GALNT16: variants seen among roughly 807,000 people sequenced by gnomAD.
GALNT16 encodes the protein polypeptide N-acetylgalactosaminyltransferase 16.
Under a neutral mutation model 76.1 loss-of-function variants are expected in GALNT16, and 40 were observed. The ratio of observed to expected loss-of-function variants is 0.53; its 90% confidence interval spans 0.41 to 0.68. The LOEUF (loss-of-function observed/expected upper bound fraction) is 0.68. Among genes scored for constraint, GALNT16 ranks in the 30% least tolerant of loss-of-function variants. The probability of loss-of-function intolerance (pLI) is 0.00; values close to 1 mark genes in which losing one functional copy is unlikely to be tolerated. For missense variants in GALNT16, 621 were observed against 731.9 expected, an observed-to-expected ratio of 0.85 and a Z score of 1.75; for synonymous variants, 276 against 285.2, an observed-to-expected ratio of 0.97 and a Z score of 0.32.
At chr14:69,279,805 CATGGGAT>C (rs1342403796) in intron 1 of GALNT16, among the ~76,000 whole-genome samples, 1 of 152,222 alleles carries the variant, frequency 6.6e-6, no homozygotes, top group Middle Eastern at 3.2e-3. Flanking sequence ...AGGGTCATCT[CATGGGAT>C]TGTAGCCTGA....
intron 1 of GALNT16, among the ~76,000 whole-genome samples, chr14:69,279,498 C>T (rs2044512842): frequency 6.6e-6 from 1 of 151,124 alleles, no homozygotes; most frequent in Admixed American, 6.6e-5. Flanking sequence ...ATGTAGATCT[C>T]CACTGAAAAA....
chr14:69,382,699 C>T, the GALNT16 span, among the ~76,000 whole-genome samples: 6 of 149,556 alleles, frequency 4.0e-5, no homozygotes, highest in Non-Finnish European at 5.9e-5. Context: ...ATTAGCTGGG[C>T]GTGGTGGCGC....
chr14:69,358,242 A>G (rs1345013350), downstream of GALNT16: 1 of 152,296 alleles, frequency 6.6e-6, no homozygotes, highest in Non-Finnish European at 1.5e-5. Context: ...GGCCACCTCG[A>G]TGGGGTCTCT....
chr14:69,342,793 C>T (rs1236854874), intron 12 of GALNT16, among the ~76,000 whole-genome samples: 1 of 152,174 alleles, frequency 6.6e-6, no homozygotes, highest in African/African-American at 2.4e-5. Flanking sequence ...GTCTCAGTTA[C>T]ATCCACGTGG....
intron 1 of GALNT16, among the ~76,000 whole-genome samples, chr14:69,315,842 A>G (rs2045091900): frequency 2.0e-5 from 3 of 152,226 alleles, no homozygotes; most frequent in Non-Finnish European, 4.4e-5. Flanking sequence ...GTAGGTAGAT[A>G]GATACTTTAC....
At chr14:69,267,724 C>T (rs964762953) in intron 1 of GALNT16, among the ~76,000 whole-genome samples, 1 of 152,130 alleles carries the variant, frequency 6.6e-6, no homozygotes, top group African/African-American at 2.4e-5. Context: ...GATCCCACTT[C>T]TAGGCTCAGC....
At chr14:69,325,441 C>T (rs763229152) in intron 4 of GALNT16, 37 bp downstream of exon 4, 15 of 1,206,154 alleles carry the variant, frequency 1.2e-5, no homozygotes, top group East Asian at 9.3e-5. Flanking sequence ...CCCTCCATTC[C>T]GCCCTCGTCC....
intron 7 of GALNT16, chr14:69,332,450 T>C (rs1408089085): frequency 6.5e-6 from 1 of 152,784 alleles, no homozygotes; most frequent in African/African-American, 2.4e-5. Context: ...GGCTACCATA[T>C]TTGACAATGC....
At chr14:69,341,355 A>C (rs777171400) in intron 11 of GALNT16, among the ~76,000 whole-genome samples, 11 of 152,240 alleles carry the variant, frequency 7.2e-5, no homozygotes, top group Admixed American at 5.2e-4. Flanking sequence ...CTGCAAAGAT[A>C]AAGACCAGTT....
chr14:69,369,996 G>A, the GALNT16 span, among the ~76,000 whole-genome samples: 1 of 152,230 alleles, frequency 6.6e-6, no homozygotes, highest in African/African-American at 2.4e-5. Context: ...GCATTGGAAA[G>A]CTGTCAGAGG....
rs1200070323 is a variant in GALNT16 at position 69,333,060 on chromosome 14, G to A, written c.779-25G>A. ...AGCCCGCAGCTCTGCCCTGAGCTCT[G>A]TCCTCACCTTGCTGTGTCCCTTAGG... On this transcript the variant is annotated intron_variant, in intron 7 of 14. Coordinates refer to ENST00000448469, the MANE Select transcript of GALNT16 (RefSeq NM_001168368.2). This position sits in a 1 kb window ranked among gnomAD's most constrained non-coding sequence, Gnocchi z 4.2. The A allele has an allele frequency of 4.5e-6, 7 of 1,564,240 alleles. No individual in the cohort carries two copies. The highest frequency in any genetic ancestry group is 5.3e-6 in the Non-Finnish European group (6 of 1,134,552).
At chr14:69,316,803 A>G (rs1367071888) in intron 1 of GALNT16, among the ~76,000 whole-genome samples, 2 of 149,748 alleles carry the variant, frequency 1.3e-5, no homozygotes, top group Non-Finnish European at 2.9e-5. Flanking sequence ...AGGTCACGTG[A>G]TGTATCACAG....
At chr14:69,313,295 G>C (rs1012424131) in intron 1 of GALNT16, among the ~76,000 whole-genome samples, 1 of 152,252 alleles carries the variant, frequency 6.6e-6, no homozygotes, top group African/African-American at 2.4e-5. Flanking sequence ...TGCAAGCCGA[G>C]CATCACATAT....
At chr14:69,262,638 T>G (rs954390680) in intron 1 of GALNT16, among the ~76,000 whole-genome samples, 4 of 152,176 alleles carry the variant, frequency 2.6e-5, no homozygotes, top group Non-Finnish European at 5.9e-5. Context: ...CAGAGCCTTC[T>G]GTGGCCACTT....
intron 1 of GALNT16, among the ~76,000 whole-genome samples, chr14:69,274,997 T>G (rs2044453299): frequency 6.6e-6 from 1 of 152,216 alleles, no homozygotes; most frequent in Non-Finnish European, 1.5e-5. Flanking sequence ...TGGCACAGCT[T>G]ACAAGGGGAA....
At chr14:69,305,870 T>A (rs1213338077) in intron 1 of GALNT16, among the ~76,000 whole-genome samples, 1 of 152,224 alleles carries the variant, frequency 6.6e-6, no homozygotes, top group Non-Finnish European at 1.5e-5. Flanking sequence ...TTTTCCCCTA[T>A]GTTTTCTTCT....
At chr14:69,370,874 C>T in the GALNT16 span, among the ~76,000 whole-genome samples, 10 of 152,354 alleles carry the variant, frequency 6.6e-5, no homozygotes, top group African/African-American at 1.7e-4. Context: ...AGGAACAGTG[C>T]GCCAAGTGCA....
intron 1 of GALNT16, among the ~76,000 whole-genome samples, chr14:69,276,050 C>T (rs1028775051): frequency 3.9e-5 from 6 of 152,128 alleles, no homozygotes; most frequent in Non-Finnish European, 5.9e-5. Flanking sequence ...CATCAGATCT[C>T]GTGAGACTTA....
chr14:69,260,602 A>C (rs1594803007), intron 1 of GALNT16, 135 bp downstream of exon 1: 1 of 542,998 alleles, frequency 1.8e-6, no homozygotes, highest in East Asian at 4.6e-5. Context: ...TATATGTTGG[A>C]GCATTCCTGC....
Sources: allele counts gnomAD v4.1 joint callset (sites outside exome capture counted in the v4.1 genomes callset), GRCh38; gene constraint gnomAD v4.1.1; non-coding constraint Gnocchi (gnomAD v3.1); transcripts MANE v1.5; gene names NCBI Gene and HGNC (gene_info 2026-07-23, HGNC 2026-07-21).